Variants in HDAC9 observed in about 807,000 individuals in gnomAD.
HDAC9 encodes MEF-2 interacting transcription repressor (MITR) protein.
A neutral mutation model predicts 139.4 loss-of-function variants in HDAC9; 41 were observed. The observed-to-expected ratio is 0.29, with a 90% CI of 0.23 to 0.38. The LOEUF (loss-of-function observed/expected upper bound fraction) is 0.38. Ranked by LOEUF, HDAC9 falls within the 10% of genes least tolerant of loss-of-function variation. The pLI is 1.00. For missense variants in HDAC9, 1,147 were observed against 1,297.0 expected, an observed-to-expected ratio of 0.88 and a Z score of 1.78; for synonymous variants, 517 against 476.2, an observed-to-expected ratio of 1.09 and a Z score of -1.12.
chr7:18,646,054 A>G (rs1185342265), intron 9 of HDAC9, among the ~76,000 whole-genome samples: 7 of 152,200 alleles, frequency 4.6e-5, no homozygotes, highest in Non-Finnish European at 1.0e-4. Context: ...ACATTTGTAA[A>G]TGAAAAACAA....
At position 18,435,509 on chromosome 7, in the gene HDAC9, G is replaced by A. The variant is rs188550723; in HGVS notation, c.-41-60753G>A. 2.0e-3 allele frequency among the ~76,000 whole-genome samples: 303 copies of A among 152,178 alleles called. 2 individuals are homozygous for A. The highest frequency in any genetic ancestry group is 6.8e-3 in the African/African-American group (282 of 41,520). On this transcript the variant is annotated intron_variant, in intron 1 of 3. Transcript: ENST00000413509. ...TAGCAAAACTTTCGAGAGAGAGAAGGTATTGGAAAACTTTGCTACTAGTAT... is the reference window on the plus strand; with the variant it reads ...TAGCAAAACTTTCGAGAGAGAGAAGATATTGGAAAACTTTGCTACTAGTAT...
chr7:18,548,606 A>G (rs1276293330), intron 2 of HDAC9, among the ~76,000 whole-genome samples: 2 of 152,248 alleles, frequency 1.3e-5, no homozygotes, highest in Non-Finnish European at 2.9e-5. Flanking sequence ...ATGTAAAAAA[A>G]GCAACACTTT....
chr7:18,394,112 C>T (rs117587622), intron 1 of HDAC9, among the ~76,000 whole-genome samples: 1,588 of 152,220 alleles, frequency 0.01, 14 homozygotes, highest in Non-Finnish European at 0.017. Flanking sequence ...TGTCAGGTTT[C>T]TGTGTACCTT....
chr7:18,253,969 T>C (rs1251569489), intron 2 of HDAC9, among the ~76,000 whole-genome samples: 1 of 152,190 alleles, frequency 6.6e-6, no homozygotes, highest in East Asian at 1.9e-4. Flanking sequence ...AATCTAGCCC[T>C]TTGCTGGGGA....
chr7:18,927,236 A>G (rs949128165), intron 22 of HDAC9, among the ~76,000 whole-genome samples: 2 of 152,190 alleles, frequency 1.3e-5, no homozygotes, highest in African/African-American at 4.8e-5. Flanking sequence ...TGATCCCAAC[A>G]TCATCAGGAA....
chr7:18,887,889 G>A (rs1013449368), intron 22 of HDAC9, among the ~76,000 whole-genome samples: 1 of 151,934 alleles, frequency 6.6e-6, no homozygotes, highest in African/African-American at 2.4e-5. Context: ...CAAGATTTGT[G>A]GCCACAGAGA....
intron 2 of HDAC9, among the ~76,000 whole-genome samples, chr7:18,241,315 T>G (rs122617): frequency 0.77 from 117,624 of 152,096 alleles, 45,557 homozygotes; most frequent in South Asian, 0.88. Flanking sequence ...AATTCCTTCT[T>G]GGAAATGCTC....
chr7:18,992,699 T>A (rs1751335160), intron 25 of HDAC9, among the ~76,000 whole-genome samples: 1 of 152,130 alleles, frequency 6.6e-6, no homozygotes, highest in Admixed American at 6.5e-5. Context: ...TCAAGTGAAA[T>A]TACTTCCTTT....
intron 1 of HDAC9, among the ~76,000 whole-genome samples, chr7:18,312,649 T>C (rs1039386125): frequency 2.0e-4 from 31 of 152,144 alleles, no homozygotes; most frequent in African/African-American, 6.3e-4. Flanking sequence ...AGCAGAAGCT[T>C]CACAACTCTC....
rs1363538205 is a variant in HDAC9, at chr7:18,465,923, T to G, written c.-41-30339T>G. The stretch of plus-strand genomic sequence containing the variant: ...TGCTGCCATCAGGAACTAACATAAA[T>G]TTAGCAGGTTAAAACAACACAATTT... On this transcript the variant is annotated intron_variant, in intron 1 of 3. Coordinates refer to the HDAC9 transcript ENST00000413509. Among the ~76,000 whole-genome samples the G allele has an allele frequency of 2.6e-5, 4 of 152,338 alleles. No homozygotes were observed. In the East Asian group the frequency reaches 7.7e-4, roughly 29 times the overall value.
Position 18,987,850 on chromosome 7 carries a change from G to T in HDAC9, c.3171-8173G>T, listed in dbSNP as rs535293269. Among the ~76,000 whole-genome samples the T allele has an allele frequency of 5.0e-3, 756 of 152,124 alleles. 1 individual carries two copies. Among genetic ancestry groups the T allele is most frequent in the Non-Finnish European group, 6.2e-3 (423 of 67,982 alleles). On this transcript the variant is annotated intron_variant, in intron 25 of 25. Coordinates refer to ENST00000686413, the MANE Select transcript of HDAC9 (RefSeq NM_178425.4). Reference sequence around the variant, plus strand: ...TTTCTTCTAGATTTTCTAGTTTATTGGCGTAGAGGTGTTTGTAGTATTCTC... The same window carrying T: ...TTTCTTCTAGATTTTCTAGTTTATTTGCGTAGAGGTGTTTGTAGTATTCTC...
intron 4 of HDAC9, among the ~76,000 whole-genome samples, chr7:18,591,240 C>G (rs1830851525): frequency 6.6e-6 from 1 of 152,056 alleles, no homozygotes; most frequent in South Asian, 2.1e-4. Context: ...TGGGAATTCC[C>G]TCTTTGCAAA....
intron 13 of HDAC9, among the ~76,000 whole-genome samples, chr7:18,738,298 C>G (rs910619817): frequency 1.3e-5 from 2 of 152,172 alleles, no homozygotes; most frequent in Admixed American, 6.5e-5. Context: ...TTGATCCTGT[C>G]ATTATGATGT....
intron 1 of HDAC9, among the ~76,000 whole-genome samples, chr7:18,142,425 TA>T (rs1047831958): frequency 6.6e-6 from 1 of 152,032 alleles, no homozygotes; most frequent in Non-Finnish European, 1.5e-5. Flanking sequence ...TTCTCCCTAT[TA>T]AAAAAATACA....
At chr7:18,300,216 G>A (rs1247288122) in intron 1 of HDAC9, among the ~76,000 whole-genome samples, 1 of 149,984 alleles carries the variant, frequency 6.7e-6, no homozygotes, top group African/African-American at 2.5e-5. Flanking sequence ...TTAGCTCATC[G>A]GCTATCATTA....
chr7:18,950,674 TG>T (rs987248267), intron 23 of HDAC9, among the ~76,000 whole-genome samples: 1 of 151,928 alleles, frequency 6.6e-6, no homozygotes, highest in African/African-American at 2.4e-5. Context: ...AGAATATTTG[TG>T]GGGGAAAGGG....
chr7:18,873,880 G>A (rs1256550506), intron 21 of HDAC9, among the ~76,000 whole-genome samples: 1 of 152,092 alleles, frequency 6.6e-6, no homozygotes, highest in East Asian at 1.9e-4. Flanking sequence ...GGATGAGGCT[G>A]CCACATTCCT....
intron 22 of HDAC9, among the ~76,000 whole-genome samples, chr7:18,884,509 T>C (rs982099775): frequency 6.6e-6 from 1 of 152,164 alleles, no homozygotes; most frequent in African/African-American, 2.4e-5. Context: ...GGAATGAAAT[T>C]AGACCCTCGT....
chr7:18,670,582 T>C (rs1039896647), intron 12 of HDAC9, among the ~76,000 whole-genome samples: 9 of 152,094 alleles, frequency 5.9e-5, no homozygotes, highest in Non-Finnish European at 1.0e-4. Context: ...GGTATTATTA[T>C]CATCCCACTG....
Sources: allele counts gnomAD v4.1 joint callset (sites outside exome capture counted in the v4.1 genomes callset), GRCh38; gene constraint gnomAD v4.1.1; transcripts MANE v1.5; gene names NCBI Gene and HGNC (gene_info 2026-07-23, HGNC 2026-07-21).